Variants in TRPM4 observed in about 807,000 individuals in gnomAD.
TRPM4 encodes the protein transient receptor potential cation channel subfamily M member 4, also known as calcium-activated non-selective cation channel 1.
Under a neutral mutation model 135.6 loss-of-function variants are expected in TRPM4, and 124 were observed. The ratio of observed to expected loss-of-function variants is 0.91; its 90% confidence interval spans 0.79 to 1.06. The LOEUF is 1.06. Among genes scored for constraint, TRPM4 ranks in the 50% least tolerant of loss-of-function variants. The pLI is 0.00. For missense variants in TRPM4, 1,658 were observed against 1,671.4 expected (o/e 0.99, Z 0.14); for synonymous variants, 745 against 705.6 (o/e 1.06, Z -0.88).
Position 49,196,838 on chromosome 19 carries a change from T to A in TRPM4, c.2609T>A (p.Val870Glu). Residue 870 changes from valine (V) to glutamate (E), a missense_variant, in exon 17 of 25, where the codon GTG becomes GAG. Coordinates refer to ENST00000252826, the MANE Select transcript of TRPM4 (RefSeq NM_017636.4). ...LADSWNQCDL[V>E]ALTCFLLGVG... ...GACAGCTGGAACCAGTGCGACCTAGTGGCTCTCACCTGCTTCCTCCTGGGC... is the reference window on the plus strand; with the variant it reads ...GACAGCTGGAACCAGTGCGACCTAGAGGCTCTCACCTGCTTCCTCCTGGGC... The A allele has an allele frequency of 6.3e-7, 1 of 1,591,112 alleles. No individual in the cohort carries two copies. Among genetic ancestry groups the A allele is most frequent in the East Asian group, 2.3e-5 (1 of 44,414 alleles).
intron 9 of TRPM4, among the ~76,000 whole-genome samples, chr19:49,180,005 CACTCAGTT>C (rs1022703235): frequency 2.6e-4 from 40 of 152,312 alleles, no homozygotes; most frequent in African/African-American, 8.2e-4. Flanking sequence ...TGCCTGAAGT[CACTCAGTT>C]GGTACTGGTG....
intron 19 of TRPM4, among the ~76,000 whole-genome samples, chr19:49,201,695 C>T (rs766014641): frequency 2.6e-4 from 39 of 152,168 alleles, no homozygotes; most frequent in Non-Finnish European, 5.0e-4. Context: ...CCTCCCAGAT[C>T]GAAGCGATTC....
At chr19:49,203,650 C>T (rs1033678440) in intron 20 of TRPM4, among the ~76,000 whole-genome samples, 2 of 152,138 alleles carry the variant, frequency 1.3e-5, no homozygotes, top group African/African-American at 4.8e-5. Flanking sequence ...TAGTAACCTC[C>T]AGTGTATTTT....
At chr19:49,190,662 C>T (rs369193584) in intron 15 of TRPM4, 34 bp from the exon 16 acceptor site, 2 of 1,608,052 alleles carry the variant, frequency 1.2e-6, no homozygotes, top group Admixed American at 3.3e-5. Flanking sequence ...TTCTCTTCCC[C>T]TCATTTCTTG....
In TRPM4 at chr19:49,190,761, A is replaced by G. The variant is rs1968382472; in HGVS notation, c.2198A>G (p.Glu733Gly). ...EFDMDSVING[E>G]GPVGTADPAE... is the part of the protein sequence containing the mutation. ...GACATGGATAGTGTCATTAATGGGG[A>G]AGGGCCTGTCGGGTGAGTGGAGCCT... Residue 733 changes from glutamate to glycine, a missense_variant, in exon 16 of 25, where the codon GAA becomes GGA. Glu to Gly is a moderately conservative substitution (Grantham distance 98). This residue lies in a region of TRPM4 where 1,412 missense variants were observed against 1,408.7 expected (regional missense o/e 1.00). Coordinates refer to ENST00000252826, the MANE Select transcript of TRPM4 (RefSeq NM_017636.4). 6.2e-7 allele frequency: 1 copy of G among 1,614,066 alleles called. No homozygotes were observed.
At position 49,190,608 on chromosome 19, in the gene TRPM4, C is replaced by G. The variant is rs1032619794; in HGVS notation, c.2133-88C>G. On this transcript the variant is annotated intron_variant, in intron 15 of 24. Coordinates refer to ENST00000252826, the MANE Select transcript of TRPM4 (RefSeq NM_017636.4). ...ACCTCTCTGTCCCTCTGCCATGTCT[C>G]CGGGTGAAGAAGTTTGAGTTTTGCT... 13 of 1,358,970 alleles carry G rather than the reference C, an allele frequency of 9.6e-6. No individual in the cohort carries two copies. The Admixed American group carries it at 2.2e-4, about 23-fold the overall frequency. 84.2% of individuals were successfully genotyped at this position (1,358,970 alleles called of 1,614,324 possible). A position where few individuals can be genotyped will look rare whatever the true frequency, so the allele number is the denominator to read the frequency against.
intron 20 of TRPM4, among the ~76,000 whole-genome samples, chr19:49,203,282 C>T (rs942846253): frequency 1.4e-4 from 21 of 152,000 alleles, no homozygotes; most frequent in African/African-American, 2.2e-4. Context: ...CAGGTTCAAG[C>T]GATTCTCCTG....
chr19:49,188,696 C>T lies in TRPM4; in HGVS notation c.1799C>T (p.Ala600Val). 3 of 1,614,154 alleles carry T rather than the reference C, an allele frequency of 1.9e-6. No individual in the cohort carries two copies. Among genetic ancestry groups the T allele is most frequent in the Admixed American group, 1.7e-5 (1 of 60,020 alleles). ...LGACLLLRVM[A>V]RLEPDAEEAA... ...GCCTGTTTGCTGCTCCGGGTGATGG[C>T]ACGCCTGGAGCCTGACGCTGAGGAG... Residue 600 changes from alanine (A) to valine (V), a missense_variant, in exon 13 of 25, where the codon GCA (alanine) becomes GTA (valine). Physicochemically the swap from Ala to Val is moderately conservative, Grantham distance 64. This residue lies in a region of TRPM4 where 1,412 missense variants were observed against 1,408.7 expected (regional missense o/e 1.00). Coordinates refer to ENST00000252826, the MANE Select transcript of TRPM4 (RefSeq NM_017636.4).
At chr19:49,188,914 T>G (rs201510836) in intron 13 of TRPM4, 32 bp from the exon 14 acceptor site, 15 of 1,613,922 alleles carry the variant, frequency 9.3e-6, no homozygotes, top group Non-Finnish European at 1.3e-5. Flanking sequence ...CTCCTTCCCA[T>G]CCCTGTCACA....
At chr19:49,198,824 C>T (rs1968800161) in intron 17 of TRPM4, among the ~76,000 whole-genome samples, 1 of 151,766 alleles carries the variant, frequency 6.6e-6, no homozygotes, top group African/African-American at 2.4e-5. Context: ...GTCTCAAACT[C>T]CAGGGCTCAA....
In TRPM4 at chr19:49,210,586, G is replaced by A. The variant is rs1231115660; in HGVS notation, c.3329-124G>A. ...GCAGTGCTTACGGGTGAGGGGCGGG[G>A]CATGTTCTCGAATCACCAGGGGCTG... is the stretch of plus-strand genomic sequence containing the variant. On this transcript the variant is annotated intron_variant, in intron 21 of 24. Coordinates refer to ENST00000252826, the MANE Select transcript of TRPM4 (RefSeq NM_017636.4). This position sits in a 1 kb window ranked among gnomAD's most constrained non-coding sequence, Gnocchi z 4.1. The A allele has an allele frequency of 1.3e-6, 2 of 1,500,018 alleles. No homozygotes were observed. Among genetic ancestry groups the A allele is most frequent in the Non-Finnish European group, 1.8e-6 (2 of 1,088,500 alleles). The allele number at this position is 1,500,018 out of a possible 1,614,324, so 92.9% of individuals were successfully genotyped here. A position where few individuals can be genotyped will look rare whatever the true frequency, so the allele number is the denominator to read the frequency against.
intron 2 of TRPM4, chr19:49,158,561 T>C (rs1006805927): frequency 2.1e-5 from 9 of 423,630 alleles, no homozygotes; most frequent in African/African-American, 1.8e-4. Context: ...TGTGTCTCTG[T>C]CTTTCCCTTT....
At position 49,200,790 on chromosome 19, in the gene TRPM4, G is replaced by C. The variant is rs200998908; in HGVS notation, c.2953+5G>C. The C allele has an allele frequency of 1.6e-4, 251 of 1,613,570 alleles. 1 individual carries two copies. Among genetic ancestry groups the C allele is most frequent in the Non-Finnish European group, 2.0e-4 (231 of 1,179,984 alleles). On this transcript the variant is annotated splice_donor_5th_base_variant and intron_variant, in intron 19 of 24. Coordinates refer to ENST00000252826, the MANE Select transcript of TRPM4 (RefSeq NM_017636.4). ...TTCCCCAGGAGGACATGGACGGTAG[G>C]GGGGATGACGGCCTGACAGCCTTCC...
At chr19:49,181,807 C>T (rs1370136551) in intron 10 of TRPM4, among the ~76,000 whole-genome samples, 1 of 152,010 alleles carries the variant, frequency 6.6e-6, no homozygotes, top group African/African-American at 2.4e-5. Context: ...GCTGGGGTTA[C>T]AGGCATGAGC....
chr19:49,162,592 T>C (rs977987941), intron 2 of TRPM4, among the ~76,000 whole-genome samples: 14 of 151,918 alleles, frequency 9.2e-5, no homozygotes, highest in Admixed American at 6.6e-4. Context: ...TCAGTTTCTG[T>C]GGCTCCACCG....
Position 49,196,475 on chromosome 19 carries a change from T to G in TRPM4, c.2246T>G (p.Val749Gly), listed in dbSNP as rs1385453102. 3 of 1,554,088 alleles carry G rather than the reference T, an allele frequency of 1.9e-6. No homozygotes were observed. The Admixed American group carries it at 5.8e-5, about 30-fold the overall frequency. Residue 749 changes from valine (V) to glycine (G), a missense_variant, in exon 17 of 25, where the codon GTC (valine) becomes GGC (glycine). Transcript: ENST00000252826. ...ADPAEKTPLG[V>G]PRQSGRPGCC... ...CCAGCCGAGAAGACGCCGCTGGGGGTCCCGCGCCAGTCGGGCCGTCCGGGT... is the reference window on the plus strand; with the variant it reads ...CCAGCCGAGAAGACGCCGCTGGGGGGCCCGCGCCAGTCGGGCCGTCCGGGT...
At chr19:49,181,533 T>A in intron 10 of TRPM4, 72 bp downstream of exon 10, 19 of 526,132 alleles carry the variant, frequency 3.6e-5, no homozygotes, top group Non-Finnish European at 5.3e-5. Context: ...CTGCCTTCTT[T>A]TTTTTTTTTT....
chr19:49,177,916 T>G (rs1279701307), intron 9 of TRPM4, among the ~76,000 whole-genome samples: 1 of 151,318 alleles, frequency 6.6e-6, no homozygotes, highest in Admixed American at 6.6e-5. Context: ...ATGAAGGGAG[T>G]GTTGGAGACA....
At chr19:49,208,409 C>A (rs1466591991) in intron 20 of TRPM4, among the ~76,000 whole-genome samples, 1 of 152,226 alleles carries the variant, frequency 6.6e-6, no homozygotes, top group Non-Finnish European at 1.5e-5. Flanking sequence ...CTCTAGACCA[C>A]GGTCCGCTTG....
Sources: gnomAD v4.1 joint callset for allele counts (sites outside exome capture counted in the v4.1 genomes callset) on GRCh38, gnomAD v4.1.1 for gene constraint, gnomAD v4.1.1 regional missense constraint, Gnocchi (gnomAD v3.1) non-coding constraint, MANE v1.5 for transcripts, NCBI Gene and HGNC (gene_info 2026-07-23, HGNC 2026-07-21) for gene names.